The following ARHGAP15 variants were observed in gnomAD, a reference collection of about 807,000 sequenced individuals.
The protein encoded by ARHGAP15 is Rho GTPase activating protein 15, also known as rho GTPase-activating protein 15.
ARHGAP15 carries 51 observed loss-of-function variants against 63.7 expected under a neutral mutation model. The ratio of observed to expected loss-of-function variants is 0.80; its 90% confidence interval spans 0.64 to 1.01. The LOEUF (loss-of-function observed/expected upper bound fraction) is 1.01, where lower values mean the gene tolerates loss of function less well. Ranked by LOEUF, ARHGAP15 falls within the 50% of genes least tolerant of loss-of-function variation. The pLI is 0.00. For missense variants in ARHGAP15, 560 were observed against 564.6 expected (o/e 0.99, Z 0.08); for synonymous variants, 191 against 193.8 (o/e 0.99, Z 0.12).
chr2:143,148,304 T>C (rs990473849), intron 1 of ARHGAP15, among the ~76,000 whole-genome samples: 2 of 152,068 alleles, frequency 1.3e-5, no homozygotes, highest in African/African-American at 4.8e-5. Flanking sequence ...TAGGCAAGCC[T>C]GCTTGTGCTT....
chr2:143,758,965 G>C (rs1229988796), intron 13 of ARHGAP15, among the ~76,000 whole-genome samples: 1 of 152,170 alleles, frequency 6.6e-6, no homozygotes, highest in Non-Finnish European at 1.5e-5. Context: ...GGATCGAATT[G>C]TTACATTTCT....
chr2:143,520,693 A>G (rs1226591309), intron 10 of ARHGAP15, among the ~76,000 whole-genome samples: 2 of 152,212 alleles, frequency 1.3e-5, no homozygotes, highest in Non-Finnish European at 2.9e-5. Flanking sequence ...GTACTTAAAG[A>G]CAAAATGGAT....
chr2:143,182,916 G>T (rs774791608), intron 2 of ARHGAP15, among the ~76,000 whole-genome samples: 1 of 152,134 alleles, frequency 6.6e-6, no homozygotes, highest in Non-Finnish European at 1.5e-5. Flanking sequence ...CAGCAGAGTG[G>T]TTCAGGGTAA....
At chr2:143,308,649 G>C (rs1311552051) in intron 6 of ARHGAP15, among the ~76,000 whole-genome samples, 5 of 152,158 alleles carry the variant, frequency 3.3e-5, no homozygotes, top group East Asian at 3.9e-4. Flanking sequence ...AACCTGTCAT[G>C]AAATGCTGGG....
At chr2:143,645,483 T>C (rs1680826941) in intron 12 of ARHGAP15, among the ~76,000 whole-genome samples, 2 of 152,092 alleles carry the variant, frequency 1.3e-5, no homozygotes, top group Non-Finnish European at 2.9e-5. Context: ...TTGCCCCTTA[T>C]TGACAAAATG....
intron 11 of ARHGAP15, among the ~76,000 whole-genome samples, chr2:143,572,655 T>TA (rs1279541796): frequency 6.6e-6 from 1 of 152,194 alleles, no homozygotes; most frequent in Non-Finnish European, 1.5e-5. Context: ...CTTAGACAGC[T>TA]ATAAAGCCAG....
chr2:143,317,493 G>A (rs1574263751), intron 6 of ARHGAP15, among the ~76,000 whole-genome samples: 1 of 152,184 alleles, frequency 6.6e-6, no homozygotes, highest in Admixed American at 6.5e-5. Context: ...GAAGAAAGAA[G>A]ACTTGTTTTG....
At position 143,213,242 on chromosome 2, in the gene ARHGAP15, G is replaced by A. The variant is rs149009558; in HGVS notation, c.235-3142G>A. ...AAAAGACAATGAAAGGGCCGGGTGC[G>A]GTGGCTCATGCCTGTAATCCCAGCA... On this transcript the variant is annotated intron_variant, in intron 3 of 13. Transcript: ENST00000295095. 8.7e-3 allele frequency among the ~76,000 whole-genome samples: 1,326 copies of A among 152,224 alleles called. 25 individuals are homozygous for A. The highest frequency in any genetic ancestry group is 0.03 in the African/African-American group (1,258 of 41,516).
At chr2:143,353,309 A>C (rs1387702595) in intron 6 of ARHGAP15, among the ~76,000 whole-genome samples, 2 of 152,160 alleles carry the variant, frequency 1.3e-5, no homozygotes, top group Non-Finnish European at 2.9e-5. Context: ...TAAATAATAA[A>C]AGATTGACAT....
chr2:143,464,586 T>C (rs556423948), intron 8 of ARHGAP15, among the ~76,000 whole-genome samples: 2 of 152,292 alleles, frequency 1.3e-5, no homozygotes, highest in South Asian at 4.1e-4. Context: ...TAAATATAAA[T>C]GACAGAAATT....
intron 1 of ARHGAP15, among the ~76,000 whole-genome samples, chr2:143,153,635 C>T (rs1376694467): frequency 6.6e-6 from 1 of 151,912 alleles, no homozygotes; most frequent in Non-Finnish European, 1.5e-5. Context: ...AGGTAACAGA[C>T]ATACCCATCA....
intron 5 of ARHGAP15, among the ~76,000 whole-genome samples, chr2:143,244,809 TAGA>T (rs1693987260): frequency 6.6e-6 from 1 of 152,084 alleles, no homozygotes; most frequent in Non-Finnish European, 1.5e-5. Flanking sequence ...AGGCAAGAGG[TAGA>T]AGAATTCTTG....
chr2:143,220,525 C>A (rs745909337), intron 4 of ARHGAP15, among the ~76,000 whole-genome samples: 7 of 152,138 alleles, frequency 4.6e-5, no homozygotes, highest in Non-Finnish European at 1.0e-4. Context: ...TTTATATTTT[C>A]TAAAGACAAA....
At chr2:143,737,209 G>A (rs1441965389) in intron 13 of ARHGAP15, among the ~76,000 whole-genome samples, 1 of 152,198 alleles carries the variant, frequency 6.6e-6, no homozygotes, top group Non-Finnish European at 1.5e-5. Flanking sequence ...CTGATTAAGT[G>A]GGAGTCAGCC....
chr2:143,587,053 G>T (rs950258218), intron 11 of ARHGAP15, among the ~76,000 whole-genome samples: 1 of 152,058 alleles, frequency 6.6e-6, no homozygotes, highest in African/African-American at 2.4e-5. Flanking sequence ...CCTGAGGAAT[G>T]GACAATAAAA....
chr2:143,728,325 A>G (rs1483288559), intron 13 of ARHGAP15, among the ~76,000 whole-genome samples: 2 of 152,064 alleles, frequency 1.3e-5, no homozygotes, highest in African/African-American at 4.8e-5. Context: ...ATCCACCCTA[A>G]TGGCCTTATT....
chr2:143,686,867 G>T (rs1683376083), intron 12 of ARHGAP15, among the ~76,000 whole-genome samples: 1 of 152,148 alleles, frequency 6.6e-6, no homozygotes, highest in South Asian at 2.1e-4. Flanking sequence ...CTTAATTCTT[G>T]TTTGTCCAAC....
intron 2 of ARHGAP15, among the ~76,000 whole-genome samples, chr2:143,184,569 A>C (rs1691365003): frequency 6.6e-6 from 1 of 152,184 alleles, no homozygotes; most frequent in African/African-American, 2.4e-5. Flanking sequence ...GCATAAATTT[A>C]ACAATTAATG....
intron 6 of ARHGAP15, among the ~76,000 whole-genome samples, chr2:143,368,961 G>A (rs1686419898): frequency 1.3e-5 from 2 of 152,070 alleles, no homozygotes; most frequent in African/African-American, 4.8e-5. Context: ...ATAGTCAACA[G>A]AGAAAATAAA....
Sources: gnomAD v4.1 joint callset for allele counts (sites outside exome capture counted in the v4.1 genomes callset) on GRCh38, gnomAD v4.1.1 for gene constraint, MANE v1.5 for transcripts, NCBI Gene and HGNC (gene_info 2026-07-23, HGNC 2026-07-21) for gene names.